The following PGAP2 variants were observed in gnomAD, a reference collection of about 807,000 sequenced individuals.
PGAP2 encodes acyltransferase PGAP2.
Under a neutral mutation model 33.2 loss-of-function variants are expected in PGAP2, and 21 were observed. The observed-to-expected ratio is 0.63, with a 90% CI of 0.45 to 0.91. PGAP2 has a LOEUF of 0.91. PGAP2 is among the 40% of genes least tolerant of loss of function. The probability of loss-of-function intolerance (pLI) is 0.00; values close to 1 mark genes in which losing one functional copy is unlikely to be tolerated. For synonymous variants in PGAP2, 161 were observed against 172.9 expected (o/e 0.93, Z 0.54); for missense variants, 345 against 424.0 (o/e 0.81, Z 1.64).
At chr11:3,798,052 C>T (rs1446658919) in intron 1 of PGAP2, 2 of 1,521,222 alleles carry the variant, frequency 1.3e-6, no homozygotes, top group East Asian at 5.1e-5. Context: ...TCTCTCTGCC[C>T]GCACTTCCCG....
At chr11:3,812,558 A>C (rs2085821423) in intron 2 of PGAP2, among the ~76,000 whole-genome samples, 1 of 152,180 alleles carries the variant, frequency 6.6e-6, no homozygotes, top group South Asian at 2.1e-4. Flanking sequence ...AAGGAGGAGG[A>C]GGAAGAGACT....
rs34183866 is a variant in PGAP2 at position 3,821,900 on chromosome 11, T to TAA, written c.349-1969_349-1968dup. On this transcript the variant is annotated intron_variant, in intron 3 of 6. Coordinates refer to ENST00000278243, the MANE Select transcript of PGAP2 (RefSeq NM_014489.4). ...CAACATGGCAAAACCCTGTTGCTAC[T>TAA]AAAAAAAAAAAAAAATCCAAAAAAT... Among the ~76,000 whole-genome samples, 965 of 139,202 alleles carry TAA rather than the reference T, an allele frequency of 6.9e-3. 4 individuals carry two copies. Among genetic ancestry groups the TAA allele is most frequent in the Non-Finnish European group, 0.011 (681 of 64,574 alleles). 91.3% of individuals were successfully genotyped at this position (139,202 alleles called of 152,430 possible). A position where few individuals can be genotyped will look rare whatever the true frequency, so the allele number is the denominator to read the frequency against.
chr11:3,824,277 C>T lies in PGAP2; in HGVS notation c.609C>T (p.His203=), dbSNP rs147354096. 412 of 1,614,204 alleles carry T rather than the reference C, an allele frequency of 2.6e-4. 1 individual carries two copies. The highest frequency in any genetic ancestry group is 8.0e-4 in the East Asian group (36 of 44,888). Residue 203 remains histidine (H), a synonymous_variant, in exon 5 of 7, where the codon CAC becomes CAT. Transcript: ENST00000278243. ...YVSSSEDFTI[H]ENAFIVFIAS... ...AATCCTCTTTCCCTCCAGCCATCCA[C>T]GAAAATGCTTTCATTGTGTTCATTG... is the stretch of plus-strand genomic sequence containing the variant.
chr11:3,808,494 A>G, upstream of PGAP2: 1 of 1,415,060 alleles, frequency 7.1e-7, no homozygotes, highest in African/African-American at 1.5e-5. Flanking sequence ...GGGAGGAGCC[A>G]GCGGAGGATC....
intron 3 of PGAP2, among the ~76,000 whole-genome samples, chr11:3,822,409 G>T (rs1195464745): frequency 6.6e-6 from 1 of 151,826 alleles, no homozygotes; most frequent in Non-Finnish European, 1.5e-5. Flanking sequence ...GGTGGCTCAT[G>T]CCTGTAGTGC....
chr11:3,809,945 G>A (rs1424069020), intron 1 of PGAP2, among the ~76,000 whole-genome samples: 2 of 152,230 alleles, frequency 1.3e-5, no homozygotes, highest in East Asian at 3.8e-4. Context: ...TGGGACTAAA[G>A]GGAGAGTCTT....
At position 3,824,126 on chromosome 11, in the gene PGAP2, G is replaced by A. The variant is rs1469110249; in HGVS notation, c.592G>A (p.Glu198Lys). 6.2e-7 allele frequency: 1 copy of A among 1,613,970 alleles called. No individual in the cohort carries two copies. The highest frequency in any genetic ancestry group is 8.5e-7 in the Non-Finnish European group (1 of 1,179,934). The change falls in exon 4 of 7, where the codon GAG (glutamate) becomes AAG (lysine). Residue 198 changes from glutamate (E) to lysine (K), a missense_variant. Coordinates refer to ENST00000278243, the MANE Select transcript of PGAP2 (RefSeq NM_014489.4). ...AGTGCTCACTTATGTCTCCTCCTCC[G>A]AGGACTTCAGTGGGTGCCTGGATGA... is the stretch of plus-strand genomic sequence containing the variant. Reference protein sequence around the residue: ...LLVLTYVSSSEDFTIHENAFI... With the variant: ...LLVLTYVSSSKDFTIHENAFI...
rs1205581805 is a variant in PGAP2, at chr11:3,825,845, T to C, written c.*387T>C. 1 of 201,960 alleles carries C rather than the reference T, an allele frequency of 5.0e-6. No homozygotes were observed. Among genetic ancestry groups the C allele is most frequent in the African/African-American group, 2.3e-5 (1 of 43,130 alleles). 12.5% of individuals were successfully genotyped at this position (201,960 alleles called of 1,614,324 possible). A position where few individuals can be genotyped will look rare whatever the true frequency, so the allele number is the denominator to read the frequency against. ...GCTCCCTGACAACCACAGCCATTTC[T>C]CTGCACGGGGGTCATTCATAGGACT... is the stretch of plus-strand genomic sequence containing the variant. On this transcript the variant is annotated 3_prime_UTR_variant, in exon 7 of 7. Transcript: ENST00000278243.
chr11:3,816,536 C>G (rs147982804), intron 2 of PGAP2, among the ~76,000 whole-genome samples: 248 of 152,284 alleles, frequency 1.6e-3, no homozygotes, highest in Non-Finnish European at 2.2e-3. Flanking sequence ...TGGCCCAGGA[C>G]AGCAGGCTCA....
chr11:3,808,469 G>A (rs1190544684), upstream of PGAP2: 1 of 1,471,156 alleles, frequency 6.8e-7, no homozygotes, highest in Middle Eastern at 2.5e-4. Context: ...CCAGGGGTCG[G>A]GGTCTCCAGA....
chr11:3,822,029 G>T (rs1222076794), intron 3 of PGAP2, among the ~76,000 whole-genome samples: 5 of 152,110 alleles, frequency 3.3e-5, no homozygotes, highest in Non-Finnish European at 5.9e-5. Flanking sequence ...TGGCACTCCA[G>T]CCTGGGCAAC....
At chr11:3,809,032 C>G (rs770167656) in intron 1 of PGAP2, among the ~76,000 whole-genome samples, 46 of 152,172 alleles carry the variant, frequency 3.0e-4, no homozygotes, top group Admixed American at 5.2e-4. Flanking sequence ...GCCTCAGTTT[C>G]CTCATCTGTA....
chr11:3,824,366 T>G lies in PGAP2; in HGVS notation c.698T>G (p.Val233Gly). The change falls in exon 5 of 7, where the codon GTA becomes GGA. Residue 233 changes from valine (V) to glycine (G), a missense_variant. Transcript: ENST00000278243. ...TGGCGGTTGACCAAGAAGCACACAG[T>G]AAGTCAGGAGGTACGGTCTATCCCT... ...ILWRLTKKHT[V>G]SQEDRKSYSW... The G allele has an allele frequency of 6.2e-7, 1 of 1,614,172 alleles. No homozygotes were observed. The highest frequency in any genetic ancestry group is 1.3e-5 in the African/African-American group (1 of 75,054).
At chr11:3,806,071 C>T (rs10767612), upstream of PGAP2, among the ~76,000 whole-genome samples, 91,011 of 151,892 alleles carry the variant, frequency 0.6, 30,454 homozygotes, top group East Asian at 0.81. Context: ...GCCCATATTT[C>T]CCAAATCACC....
At chr11:3,802,360 G>A (rs890296915) in intron 1 of PGAP2, among the ~76,000 whole-genome samples, 1 of 152,048 alleles carries the variant, frequency 6.6e-6, no homozygotes, top group Admixed American at 6.6e-5. Context: ...TGAAGCCAGG[G>A]GTTCCTTCCC....
chr11:3,814,822 CTTT>C (rs200711764), intron 2 of PGAP2, among the ~76,000 whole-genome samples: 4 of 111,456 alleles, frequency 3.6e-5, no homozygotes, highest in African/African-American at 1.2e-4. Context: ...CTCTTTCTTT[CTTT>C]TTTTCTTTTT....
rs540311994 is a variant in PGAP2, at chr11:3,820,377, G to A, written c.348+2842G>A. Among the ~76,000 whole-genome samples, 18 of 152,246 alleles carry A rather than the reference G, an allele frequency of 1.2e-4. No homozygotes were observed. In the South Asian group the frequency reaches 2.1e-3, roughly 18 times the overall value. ...CAGATACTGCAGATGTTTTATACAC[G>A]TTATATTTAGAATTCATATGGCTTG... On this transcript the variant is annotated intron_variant, in intron 3 of 6. Coordinates refer to ENST00000278243, the MANE Select transcript of PGAP2 (RefSeq NM_014489.4).
intron 1 of PGAP2, among the ~76,000 whole-genome samples, chr11:3,802,987 C>T (rs7481202): frequency 0.66 from 89,724 of 136,396 alleles, 31,027 homozygotes; most frequent in East Asian, 0.81. Context: ...CCACCACACC[C>T]GGCTAATTTT....
upstream of PGAP2, chr11:3,808,272 T>G: frequency 6.4e-7 from 1 of 1,551,206 alleles, no homozygotes; most frequent in Non-Finnish European, 8.7e-7. Context: ...CCTGTTGAAT[T>G]AATTTTGTGT....
Sources: gnomAD v4.1 joint callset for allele counts (sites outside exome capture counted in the v4.1 genomes callset) on GRCh38, gnomAD v4.1.1 for gene constraint, MANE v1.5 for transcripts, NCBI Gene and HGNC (gene_info 2026-07-23, HGNC 2026-07-21) for gene names.